Variants in FUNDC1 observed in about 807,000 individuals in gnomAD.
FUNDC1 encodes the protein FUN14 domain-containing protein 1.
In FUNDC1, 10 loss-of-function variants were observed where a neutral mutation model predicts 14.5. That is an observed-to-expected ratio of 0.69 (90% CI 0.43 to 1.17). The LOEUF (loss-of-function observed/expected upper bound fraction) is 1.17. Ranked by LOEUF, FUNDC1 falls within the 50% of genes most tolerant of loss-of-function variation. FUNDC1 has a pLI of 0.00. For missense variants in FUNDC1, 115 were observed against 113.8 expected (o/e 1.01, Z -0.05); for synonymous variants, 33 against 39.7 (o/e 0.83, Z 0.64).
At chrX:44,534,944 C>T (rs1233138592) in intron 3 of FUNDC1, among the ~76,000 whole-genome samples, 1 of 110,304 alleles carries the variant, frequency 9.1e-6, no homozygotes, top group Non-Finnish European at 1.9e-5. Flanking sequence ...CCCAGGAGTT[C>T]GAGACCAGCC....
chrX:44,537,886 T>C (rs1314014126), intron 3 of FUNDC1, among the ~76,000 whole-genome samples: 1 of 112,917 alleles, frequency 8.9e-6, no homozygotes, highest in Non-Finnish European at 1.9e-5. Context: ...CATCCTCTAA[T>C]GGCAAAGCAT....
chrX:44,531,750 T>C (rs1008586446), intron 3 of FUNDC1, among the ~76,000 whole-genome samples: 2 of 83,577 alleles, frequency 2.4e-5, no homozygotes, highest in Non-Finnish European at 4.5e-5. Context: ...AGGGACTTGG[T>C]AGGAAGAAGC....
chrX:44,535,777 G>T (rs2038945881), intron 3 of FUNDC1, among the ~76,000 whole-genome samples: 1 of 106,191 alleles, frequency 9.4e-6, no homozygotes, highest in African/African-American at 3.5e-5. Context: ...CCTGAGGTCA[G>T]GAGTTCGAGA....
chrX:44,542,601 C>T (rs1374398741), intron 1 of FUNDC1, among the ~76,000 whole-genome samples: 2 of 107,647 alleles, frequency 1.9e-5, no homozygotes. Flanking sequence ...TAGGGCTGTG[C>T]TGGGGGTGGG....
chrX:44,526,202 G>A (rs374103433), intron 4 of FUNDC1, among the ~76,000 whole-genome samples: 1 of 111,309 alleles, frequency 9.0e-6, no homozygotes, highest in African/African-American at 3.3e-5. Context: ...AGACTGAGGC[G>A]GGTGGATCAT....
chrX:44,531,777 CA>C (rs2038926746), intron 3 of FUNDC1, among the ~76,000 whole-genome samples: 1 of 107,454 alleles, frequency 9.3e-6, no homozygotes, highest in Non-Finnish European at 1.9e-5. Flanking sequence ...CACACACACA[CA>C]CACACACACA....
Position 44,524,081 on chromosome X carries a change from CA to C in FUNDC1, c.*116del, listed in dbSNP as rs2038891845. The stretch of plus-strand genomic sequence containing the variant: ...GCTAAGTTGTGAATTGAGTATTGTC[CA>C]GCTAGTTGTTTCTCCTTGCCCTAGA... On this transcript the variant is annotated 3_prime_UTR_variant, in exon 5 of 5. Transcript: ENST00000378045. 1 of 506,288 alleles carries C rather than the reference CA, an allele frequency of 2.0e-6. No individual in the cohort carries two copies. The highest frequency in any genetic ancestry group is 3.4e-6 in the Non-Finnish European group (1 of 290,051). 41.7% of individuals were successfully genotyped at this position (506,288 alleles called of 1,213,427 possible). A position where few individuals can be genotyped will look rare whatever the true frequency, so the allele number is the denominator to read the frequency against.
chrX:44,525,657 C>T (rs1342278980), intron 4 of FUNDC1, among the ~76,000 whole-genome samples: 1 of 108,612 alleles, frequency 9.2e-6, no homozygotes, highest in Non-Finnish European at 1.9e-5. Flanking sequence ...GAGTTTGAGA[C>T]CAGCCTGGCA....
At chrX:44,540,134 T>C (rs1226273270) in intron 2 of FUNDC1, among the ~76,000 whole-genome samples, 2 of 111,059 alleles carry the variant, frequency 1.8e-5, no homozygotes, top group African/African-American at 6.6e-5. Context: ...TTTAATTTTT[T>C]GTCATGATCA....
At chrX:44,527,905 A>C (rs1033080609) in intron 3 of FUNDC1, among the ~76,000 whole-genome samples, 2 of 112,286 alleles carry the variant, frequency 1.8e-5, no homozygotes, top group Non-Finnish European at 3.8e-5. Flanking sequence ...TTAAATTAAG[A>C]ATACTTTCTG....
intron 4 of FUNDC1, among the ~76,000 whole-genome samples, chrX:44,525,609 C>T (rs963594893): frequency 2.7e-5 from 3 of 110,209 alleles, no homozygotes; most frequent in African/African-American, 9.9e-5. Context: ...ATGCCCAGCA[C>T]ATTGGGAGGC....
chrX:44,542,795 G>A lies in FUNDC1; in HGVS notation c.28+10C>T. 1 of 1,167,687 alleles carries A rather than the reference G, an allele frequency of 8.6e-7. No homozygotes were observed. The highest frequency in any genetic ancestry group is 1.1e-6 in the Non-Finnish European group (1 of 872,429). ...CGTCCCAGATACCACTTCGGGCCCT[G>A]GCCGCTCACCTTGGGGAGGGGGGTT... On this transcript the variant is annotated intron_variant, in intron 1 of 4. Coordinates refer to ENST00000378045, the MANE Select transcript of FUNDC1 (RefSeq NM_173794.4).
intron 3 of FUNDC1, among the ~76,000 whole-genome samples, chrX:44,533,644 AAAAAAC>A (rs2038935808): frequency 9.5e-6 from 1 of 105,446 alleles, no homozygotes; most frequent in African/African-American, 3.6e-5. Context: ...AAAAAAAAAA[AAAAAAC>A]AACAAAACAA....
intron 1 of FUNDC1, 42 bp downstream of exon 1, chrX:44,542,763 T>A: frequency 8.7e-7 from 1 of 1,146,895 alleles, no homozygotes; most frequent in Non-Finnish European, 1.2e-6. Flanking sequence ...TCGAGAGCTG[T>A]GAGCCGCGTC....
Position 44,535,880 on chromosome X carries a change from G to A in FUNDC1, c.261+2587C>T, listed in dbSNP as rs775838960. Among the ~76,000 whole-genome samples, 7 of 105,893 alleles carry A rather than the reference G, an allele frequency of 6.6e-5. No homozygotes were observed. In the East Asian group the frequency reaches 9.0e-4, roughly 14 times the overall value. The allele number at this position is 105,893 out of a possible 115,157, so 92.0% of individuals were successfully genotyped here. On this transcript the variant is annotated intron_variant, in intron 3 of 4. Coordinates refer to ENST00000378045, the MANE Select transcript of FUNDC1 (RefSeq NM_173794.4). Reference sequence around the variant, plus strand: ...AGGTGCCTGTAATCCCAGCTACTTCGGAGGCTGAGGAAAGAGAATCGCTTG... The same window carrying A: ...AGGTGCCTGTAATCCCAGCTACTTCAGAGGCTGAGGAAAGAGAATCGCTTG...
At chrX:44,541,848 G>T in intron 2 of FUNDC1, 97 bp downstream of exon 2, 1 of 736,168 alleles carries the variant, frequency 1.4e-6, no homozygotes, top group Non-Finnish European at 2.0e-6. Flanking sequence ...TAACAGTGTA[G>T]ACCTACTGCC....
intron 3 of FUNDC1, among the ~76,000 whole-genome samples, chrX:44,530,726 G>A (rs895404624): frequency 4.5e-5 from 5 of 110,871 alleles, no homozygotes; most frequent in Non-Finnish European, 9.4e-5. Flanking sequence ...GATCAGCCAT[G>A]TCAACATGGT....
rs1167606522 is a variant in FUNDC1 at position 44,542,103 on chromosome X, T to C, written c.29-2A>G. On this transcript the variant is annotated splice_acceptor_variant, in intron 1 of 4. Coordinates refer to ENST00000378045, the MANE Select transcript of FUNDC1 (RefSeq NM_173794.4). LOFTEE classifies it high-confidence loss of function. Reference sequence around the variant, plus strand: ...AAGAGTCGTCATCACTTTCATAGTCTTCAAAATAGCAAAATGCAAAAAATA... The same window carrying C: ...AAGAGTCGTCATCACTTTCATAGTCCTCAAAATAGCAAAATGCAAAAAATA... 2 of 1,179,099 alleles carry C rather than the reference T, an allele frequency of 1.7e-6. No individual in the cohort carries two copies.
chrX:44,524,413 G>A lies in FUNDC1; in HGVS notation c.391-138C>T, dbSNP rs113813467. ...TTCTGCTCGTATGAGTAGTCAGAAA[G>A]CAGAATACAGATCATTAAGAGCTGG... is the stretch of plus-strand genomic sequence containing the variant. On this transcript the variant is annotated intron_variant, in intron 4 of 4. Coordinates refer to ENST00000378045, the MANE Select transcript of FUNDC1 (RefSeq NM_173794.4). 3.1e-4 allele frequency: 142 copies of A among 456,442 alleles called. No individual in the cohort carries two copies. In the African/African-American group the frequency reaches 3.2e-3, roughly 10 times the overall value. 37.6% of individuals were successfully genotyped at this position (456,442 alleles called of 1,213,427 possible).
Sources: gnomAD v4.1 joint callset for allele counts (sites outside exome capture counted in the v4.1 genomes callset) on GRCh38, gnomAD v4.1.1 for gene constraint, MANE v1.5 for transcripts, NCBI Gene and HGNC (gene_info 2026-07-23, HGNC 2026-07-21) for gene names.